The following HACL2 variants were observed in gnomAD, a reference collection of about 807,000 sequenced individuals.
HACL2 encodes the protein 2-hydroxyacyl-CoA lyase 1 like.
chr19:15,123,085 A>G, the HACL2 span: 11 of 1,611,916 alleles, frequency 6.8e-6, no homozygotes, highest in African/African-American at 1.3e-5. The surrounding 1 kb of genome is among the most constrained non-coding windows in gnomAD (Gnocchi z 5.1). Context: ...AAGCCCCCCT[A>G]GGCCCCCACT....
At chr19:15,115,785 G>A in the HACL2 span, 1 of 1,579,424 alleles carries the variant, frequency 6.3e-7, no homozygotes, top group Non-Finnish European at 8.7e-7. Context: ...CCCCACCTCA[G>A]CCCACCCCTG....
the HACL2 span, chr19:15,116,509 G>A: frequency 6.2e-7 from 1 of 1,613,532 alleles, no homozygotes; most frequent in Non-Finnish European, 8.5e-7. Flanking sequence ...TCAGCACGAA[G>A]GAACCCACAT....
chr19:15,115,606 G>C, the HACL2 span: 2 of 1,613,764 alleles, frequency 1.2e-6, no homozygotes, highest in African/African-American at 2.7e-5. Context: ...TGCCCAGAGA[G>C]GGCACCTGCT....
chr19:15,123,792 G>T, the HACL2 span: 27 of 586,616 alleles, frequency 4.6e-5, 1 homozygote, highest in East Asian at 7.6e-4. This position sits in a 1 kb window ranked among gnomAD's most constrained non-coding sequence, Gnocchi z 5.1. Context: ...CCCTCTTACA[G>T]CTGAGGACAT....
At chr19:15,116,291 G>C in the HACL2 span, 5 of 1,613,994 alleles carry the variant, frequency 3.1e-6, no homozygotes, top group Admixed American at 1.7e-5. Flanking sequence ...CTGGGTTCAG[G>C]TGCTGGGCCA....
At chr19:15,123,068 G>A in the HACL2 span, 1 of 1,610,118 alleles carries the variant, frequency 6.2e-7, no homozygotes, top group Non-Finnish European at 8.5e-7. The surrounding 1 kb of genome is among the most constrained non-coding windows in gnomAD (Gnocchi z 5.1). Context: ...TATCGCATGA[G>A]CCCTTCAAGC....
At chr19:15,116,909 A>C in the HACL2 span, 1 of 220,718 alleles carries the variant, frequency 4.5e-6, no homozygotes. Context: ...AAGTGAACTA[A>C]CAAACAGCCC....
At chr19:15,124,585 G>A in the HACL2 span, 3 of 315,410 alleles carry the variant, frequency 9.5e-6, no homozygotes, top group Admixed American at 9.4e-5. Context: ...CCACCCCCTC[G>A]CTGGAGCCTG....
chr19:15,119,407 GC>G, the HACL2 span: 1 of 1,613,972 alleles, frequency 6.2e-7, no homozygotes, highest in South Asian at 1.1e-5. Flanking sequence ...GGCAGGGCTG[GC>G]GCTTCTCACC....
chr19:15,115,224 G>A, the HACL2 span: 3 of 1,613,102 alleles, frequency 1.9e-6, no homozygotes, highest in Non-Finnish European at 1.7e-6. Context: ...GGGCAGGAAG[G>A]CAGCCAAGCG....
At chr19:15,115,846 T>A in the HACL2 span, 1 of 1,613,770 alleles carries the variant, frequency 6.2e-7, no homozygotes, top group Non-Finnish European at 8.5e-7. Context: ...GCCAGCCCAG[T>A]CACCTTGTGT....
At chr19:15,123,581 G>T in the HACL2 span, 3 of 1,613,376 alleles carry the variant, frequency 1.9e-6, no homozygotes, top group Non-Finnish European at 1.7e-6. The surrounding 1 kb of genome is among the most constrained non-coding windows in gnomAD (Gnocchi z 5.1). Context: ...GTCCACCTGG[G>T]CCCAAGGACA....
chr19:15,118,734 A>C, the HACL2 span, among the ~76,000 whole-genome samples: 1 of 152,210 alleles, frequency 6.6e-6, no homozygotes, highest in Admixed American at 6.5e-5. Flanking sequence ...ATGAGAAACA[A>C]GGGGGCCATG....
the HACL2 span, chr19:15,118,124 C>T: frequency 7.0e-7 from 1 of 1,418,654 alleles, no homozygotes; most frequent in East Asian, 2.3e-5. Context: ...CACCGAGTCT[C>T]CCTGCACCTG....
At chr19:15,120,149 G>T in the HACL2 span, 1 of 1,043,272 alleles carries the variant, frequency 9.6e-7, no homozygotes. Flanking sequence ...CAGGATCTGA[G>T]CAAGGAAAGG....
At chr19:15,117,385 C>G in the HACL2 span, 2 of 156,368 alleles carry the variant, frequency 1.3e-5, no homozygotes, top group African/African-American at 4.8e-5. Context: ...ACAGAAGCAT[C>G]TATCAGGCCG....
the HACL2 span, chr19:15,115,592 T>C: frequency 3.1e-6 from 5 of 1,613,692 alleles, no homozygotes; most frequent in South Asian, 1.1e-5. Context: ...ACAGGCCACG[T>C]TGCTGCCCAG....
chr19:15,123,362 G>C, the HACL2 span: 298 of 1,611,882 alleles, frequency 1.8e-4, no homozygotes, highest in Admixed American at 6.3e-4. The surrounding 1 kb of genome is among the most constrained non-coding windows in gnomAD (Gnocchi z 5.1). Context: ...AGCCCTCTCT[G>C]CAATGCCCTC....
At chr19:15,122,805 C>T in the HACL2 span, 3 of 1,614,138 alleles carry the variant, frequency 1.9e-6, no homozygotes, top group South Asian at 1.1e-5. The surrounding 1 kb of genome is among the most constrained non-coding windows in gnomAD (Gnocchi z 4.0). Flanking sequence ...AACACCGGAC[C>T]TGCAGGGACA....
Sources: allele counts gnomAD v4.1 joint callset (sites outside exome capture counted in the v4.1 genomes callset), GRCh38; gene constraint gnomAD v4.1.1; non-coding constraint Gnocchi (gnomAD v3.1); transcripts MANE v1.5; gene names NCBI Gene and HGNC (gene_info 2026-07-23, HGNC 2026-07-21).